CYP2C18: variants seen among roughly 807,000 people sequenced by gnomAD.
CYP2C18 encodes cytochrome P450 family 2 subfamily C member 18, also known as cytochrome P450 2C18.
CYP2C18 carries 38 observed loss-of-function variants against 41.3 expected under a neutral mutation model. That is an observed-to-expected ratio of 0.92 (90% CI 0.71 to 1.21). CYP2C18 has a LOEUF of 1.21. CYP2C18 is among the 50% of genes most tolerant of loss of function. The pLI, the probability that CYP2C18 is intolerant of heterozygous loss-of-function variation, is 0.00. For missense variants in CYP2C18, 635 were observed against 591.4 expected, an observed-to-expected ratio of 1.07 and a Z score of -0.77; for synonymous variants, 236 against 210.0, an observed-to-expected ratio of 1.12 and a Z score of -1.07.
chr10:94,701,652 C>G (rs1413176511), intron 4 of CYP2C18, among the ~76,000 whole-genome samples: 2 of 152,084 alleles, frequency 1.3e-5, no homozygotes, highest in East Asian at 3.8e-4. Flanking sequence ...TCCTCTCCAC[C>G]TCTACCACAC....
chr10:94,684,876 ATATCT>A (rs758499082), intron 1 of CYP2C18, among the ~76,000 whole-genome samples: 61 of 152,186 alleles, frequency 4.0e-4, no homozygotes, highest in Admixed American at 9.2e-4. Context: ...GATAATAATA[ATATCT>A]TATCTATGAG....
chr10:94,707,584 G>A (rs181017844), intron 5 of CYP2C18, among the ~76,000 whole-genome samples: 1 of 152,284 alleles, frequency 6.6e-6, no homozygotes, highest in East Asian at 1.9e-4. Flanking sequence ...AGAGTGGGAT[G>A]CGTATAATTA....
At chr10:94,711,007 C>T (rs1477665622) in intron 5 of CYP2C18, among the ~76,000 whole-genome samples, 1 of 152,096 alleles carries the variant, frequency 6.6e-6, no homozygotes, top group Non-Finnish European at 1.5e-5. Flanking sequence ...GCCTTAGTTG[C>T]CTTGTGAAGT....
intron 6 of CYP2C18, among the ~76,000 whole-genome samples, chr10:94,722,734 A>G (rs1847668490): frequency 6.6e-6 from 1 of 152,154 alleles, no homozygotes; most frequent in Non-Finnish European, 1.5e-5. Flanking sequence ...TTCACTCTCT[A>G]GAGAAACTGA....
intron 8 of CYP2C18, 138 bp downstream of exon 8, chr10:94,733,576 G>A (rs1010320645): frequency 1.0e-5 from 15 of 1,462,108 alleles, no homozygotes; most frequent in Middle Eastern, 2.4e-4. Context: ...ATGCCCATGC[G>A]ATTTCCCTGC....
At chr10:94,701,047 G>T (rs985001392) in intron 4 of CYP2C18, among the ~76,000 whole-genome samples, 3 of 152,212 alleles carry the variant, frequency 2.0e-5, no homozygotes, top group Non-Finnish European at 2.9e-5. Context: ...CAACCATTGT[G>T]GAAGTCAGTG....
chr10:94,686,678 A>G (rs1002700403), intron 1 of CYP2C18, among the ~76,000 whole-genome samples: 2 of 152,216 alleles, frequency 1.3e-5, no homozygotes, highest in Non-Finnish European at 2.9e-5. Flanking sequence ...TTATTAAAGT[A>G]TGCTATTGTA....
rs772228761 is a variant in CYP2C18, at chr10:94,720,486, A to G, written c.910A>G (p.Thr304Ala). 2 of 1,613,388 alleles carry G rather than the reference A, an allele frequency of 1.2e-6. No homozygotes were observed. The highest frequency in any genetic ancestry group is 1.3e-5 in the African/African-American group (1 of 74,896). Residue 304 changes from threonine to alanine, a missense_variant, in exon 6 of 9, where the codon ACC becomes GCC. Coordinates refer to ENST00000285979, the MANE Select transcript of CYP2C18 (RefSeq NM_000772.3). ...TGGGGCTGGAACAGAGACAACGAGCACCACTCTGAGATATGGACTCCTGCT... is the reference window on the plus strand; with the variant it reads ...TGGGGCTGGAACAGAGACAACGAGCGCCACTCTGAGATATGGACTCCTGCT... ...MFGAGTETTSTTLRYGLLLLL... is the reference protein window; with the variant it reads ...MFGAGTETTSATLRYGLLLLL...
At chr10:94,730,279 C>T (rs1847805650) in intron 7 of CYP2C18, among the ~76,000 whole-genome samples, 2 of 151,972 alleles carry the variant, frequency 1.3e-5, no homozygotes, top group South Asian at 2.1e-4. Context: ...AGCAACTGTC[C>T]CCCTACTTGA....
intron 7 of CYP2C18, among the ~76,000 whole-genome samples, chr10:94,724,758 A>AT (rs35134373): frequency 0.24 from 30,660 of 127,766 alleles, 3,475 homozygotes; most frequent in East Asian, 0.41. Flanking sequence ...CTTCTTTAGT[A>AT]TTTTTTTTTT....
rs41291552 is a variant in CYP2C18 at position 94,735,653 on chromosome 10, C to G, written c.*209C>G. 3 of 585,958 alleles carry G rather than the reference C, an allele frequency of 5.1e-6. No individual in the cohort carries two copies. The highest frequency in any genetic ancestry group is 9.1e-6 in the Non-Finnish European group (3 of 329,484). 36.3% of individuals were successfully genotyped at this position (585,958 alleles called of 1,614,324 possible). A position where few individuals can be genotyped will look rare whatever the true frequency, so the allele number is the denominator to read the frequency against. ...CTAAATATATCTGCTATTCTCCATA[C>G]TCTGTATCACTTGTATTGACCACCA... On this transcript the variant is annotated 3_prime_UTR_variant, in exon 9 of 9. Coordinates refer to ENST00000285979, the MANE Select transcript of CYP2C18 (RefSeq NM_000772.3).
intron 1 of CYP2C18, among the ~76,000 whole-genome samples, chr10:94,687,346 G>C (rs1303802132): frequency 2.0e-5 from 3 of 152,192 alleles, no homozygotes; most frequent in African/African-American, 7.2e-5. Flanking sequence ...CTGAAGCAGT[G>C]TCCCAGCAGC....
chr10:94,729,306 A>C (rs1198702499), intron 7 of CYP2C18, among the ~76,000 whole-genome samples: 1 of 152,166 alleles, frequency 6.6e-6, no homozygotes, highest in Non-Finnish European at 1.5e-5. Context: ...AAAGAAACAG[A>C]TGACTTTTTA....
At chr10:94,716,059 T>G (rs540361073) in intron 5 of CYP2C18, among the ~76,000 whole-genome samples, 27 of 152,298 alleles carry the variant, frequency 1.8e-4, no homozygotes, top group African/African-American at 6.0e-4. Context: ...TTGCATCTAT[T>G]TGATTTTTCT....
At chr10:94,686,564 C>T (rs534303402) in intron 1 of CYP2C18, among the ~76,000 whole-genome samples, 67 of 152,126 alleles carry the variant, frequency 4.4e-4, no homozygotes, top group African/African-American at 1.4e-3. Context: ...CACATATAAC[C>T]GTTAATGTCA....
intron 7 of CYP2C18, 77 bp from the exon 8 acceptor site, chr10:94,733,220 G>T: frequency 7.3e-7 from 1 of 1,368,196 alleles, no homozygotes; most frequent in Non-Finnish European, 1.0e-6. Flanking sequence ...AAAAGAGATT[G>T]GACTAGGTGA....
intron 4 of CYP2C18, among the ~76,000 whole-genome samples, chr10:94,704,908 T>C (rs192420919): frequency 1.3e-5 from 2 of 152,288 alleles, no homozygotes; most frequent in African/African-American, 4.8e-5. Context: ...GAAATGTCCA[T>C]TGCTTTTCCA....
At chr10:94,686,595 T>C (rs1846891895) in intron 1 of CYP2C18, among the ~76,000 whole-genome samples, 1 of 152,206 alleles carries the variant, frequency 6.6e-6, no homozygotes, top group Non-Finnish European at 1.5e-5. Context: ...TCTGTATTAC[T>C]GGAGGCCAGT....
In CYP2C18 at chr10:94,720,472, C is replaced by T. The variant is rs60181876; in HGVS notation, c.896C>T (p.Thr299Ile). The part of the protein sequence containing the change: ...ATVTDMFGAG[T>I]ETTSTTLRYG... The stretch of plus-strand genomic sequence containing the variant: ...GTAACTGATATGTTTGGGGCTGGAA[C>T]AGAGACAACGAGCACCACTCTGAGA... Residue 299 changes from threonine to isoleucine, a missense_variant, in exon 6 of 9, where the codon ACA becomes ATA. By Grantham distance (89) the Thr-to-Ile change is moderately conservative (BLOSUM62 -1). Transcript: ENST00000285979. The T allele has an allele frequency of 6.8e-4, 1,097 of 1,613,328 alleles. 6 individuals are homozygous for T. In the African/African-American group the frequency reaches 0.013, roughly 19 times the overall value.
Sources: gnomAD v4.1 joint callset for allele counts (sites outside exome capture counted in the v4.1 genomes callset) on GRCh38, gnomAD v4.1.1 for gene constraint, MANE v1.5 for transcripts, NCBI Gene and HGNC (gene_info 2026-07-23, HGNC 2026-07-21) for gene names.